Variants in NSD1 observed in about 807,000 individuals in gnomAD.
NSD1 encodes the protein histone-lysine N-methyltransferase, H3 lysine-36 specific.
Under a neutral mutation model 242.7 loss-of-function variants are expected in NSD1, and 26 were observed. The observed-to-expected ratio is 0.11, with a 90% CI of 0.08 to 0.15. The LOEUF is 0.15. Ranked by LOEUF, NSD1 falls within the 10% of genes least tolerant of loss-of-function variation. The pLI is 1.00. For missense variants in NSD1, 2,495 were observed against 3,272.8 expected (o/e 0.76, Z 5.80); for synonymous variants, 1,106 against 1,178.1 (o/e 0.94, Z 1.25).
Position 177,135,095 on chromosome 5 carries a change from C to T in NSD1, c.-9C>T, listed in dbSNP as rs749218843. ...GTGCTTTTGGATTCCAGGTTGATGCCGGCCCAGGATGGATCAGACCTGTGA... is the reference window on the plus strand; with the variant it reads ...GTGCTTTTGGATTCCAGGTTGATGCTGGCCCAGGATGGATCAGACCTGTGA... On this transcript the variant is annotated 5_prime_UTR_variant, in exon 2 of 23. Coordinates refer to ENST00000439151, the MANE Select transcript of NSD1 (RefSeq NM_022455.5). 4 of 1,613,982 alleles carry T rather than the reference C, an allele frequency of 2.5e-6. No individual in the cohort carries two copies. Among genetic ancestry groups the T allele is most frequent in the East Asian group, 4.5e-5 (2 of 44,890 alleles).
At chr5:177,156,970 CTAAA>C (rs34821534) in intron 2 of NSD1, among the ~76,000 whole-genome samples, 5 of 151,596 alleles carry the variant, frequency 3.3e-5, no homozygotes, top group Admixed American at 1.3e-4. Flanking sequence ...GACTCTGTCT[CTAAA>C]TAAATAAATA....
intron 16 of NSD1, among the ~76,000 whole-genome samples, chr5:177,272,452 G>A (rs1758017554): frequency 1.3e-5 from 2 of 152,076 alleles, no homozygotes; most frequent in Non-Finnish European, 2.9e-5. Context: ...TGACAGACTT[G>A]GGGAAAGGCA....
At chr5:177,200,899 AT>A (rs556927293) in intron 3 of NSD1, among the ~76,000 whole-genome samples, 2,464 of 140,768 alleles carry the variant, frequency 0.018, 33 homozygotes, top group African/African-American at 0.052. Context: ...GTGTTTTTGT[AT>A]TTTTTTTTTT....
intron 7 of NSD1, among the ~76,000 whole-genome samples, chr5:177,239,183 C>G: frequency 6.6e-6 from 1 of 152,064 alleles, no homozygotes; most frequent in East Asian, 1.9e-4. Flanking sequence ...TGATGTTATT[C>G]CTTAAAGAAA....
At chr5:177,171,634 C>T (rs569003907) in intron 2 of NSD1, among the ~76,000 whole-genome samples, 14 of 152,250 alleles carry the variant, frequency 9.2e-5, no homozygotes, top group Non-Finnish European at 1.9e-4. Flanking sequence ...CCTTTCCTCC[C>T]TTTGTCTATT....
intron 3 of NSD1, among the ~76,000 whole-genome samples, chr5:177,203,671 A>T (rs1762663418): frequency 6.6e-6 from 1 of 152,084 alleles, no homozygotes; most frequent in Non-Finnish European, 1.5e-5. Flanking sequence ...TGCTTTGCTG[A>T]AACATTTCTT....
intron 14 of NSD1, 119 bp downstream of exon 14, chr5:177,260,287 T>G (rs1038428017): frequency 1.1e-6 from 1 of 906,586 alleles, no homozygotes; most frequent in South Asian, 1.4e-5. Flanking sequence ...AATGATACTA[T>G]TCATCTGCCA....
At chr5:177,219,976 C>G in intron 5 of NSD1, among the ~76,000 whole-genome samples, 1 of 152,036 alleles carries the variant, frequency 6.6e-6, no homozygotes, top group Non-Finnish European at 1.5e-5. Context: ...AAAAAAGACT[C>G]TGTGTGACCA....
At position 177,282,350 on chromosome 5, in the gene NSD1, T is replaced by G. The variant is rs1047733492; in HGVS notation, c.5893-115T>G. On this transcript the variant is annotated intron_variant, in intron 18 of 22. Transcript: ENST00000439151. Reference sequence around the variant, plus strand: ...TAATTATGTGTGCCTAAAATTATACTCATGTAATCTGCTTTGTAGAATGTG... The same window carrying G: ...TAATTATGTGTGCCTAAAATTATACGCATGTAATCTGCTTTGTAGAATGTG... 7 of 782,988 alleles carry G rather than the reference T, an allele frequency of 8.9e-6. No homozygotes were observed. The African/African-American group carries it at 1.0e-4, about 11-fold the overall frequency. 48.5% of individuals were successfully genotyped at this position (782,988 alleles called of 1,614,324 possible). A position where few individuals can be genotyped will look rare whatever the true frequency, so the allele number is the denominator to read the frequency against.
chr5:177,224,363 G>T (rs1235394532), intron 5 of NSD1, among the ~76,000 whole-genome samples: 3 of 151,940 alleles, frequency 2.0e-5, no homozygotes, highest in African/African-American at 7.3e-5. Flanking sequence ...GTAATTTTCA[G>T]TGTATAAATT....
intron 17 of NSD1, among the ~76,000 whole-genome samples, chr5:177,274,263 A>G (rs1758176177): frequency 1.3e-5 from 2 of 152,190 alleles, no homozygotes; most frequent in South Asian, 4.1e-4. Context: ...CCTTTAACCT[A>G]CCTAGTGAAA....
At chr5:177,168,199 A>G (rs1415536496) in intron 2 of NSD1, among the ~76,000 whole-genome samples, 1 of 152,158 alleles carries the variant, frequency 6.6e-6, no homozygotes, top group African/African-American at 2.4e-5. Flanking sequence ...GACTTTTCAC[A>G]GCCTAGGTTA....
At chr5:177,185,798 T>TATA (rs1231810440) in intron 2 of NSD1, among the ~76,000 whole-genome samples, 1 of 89,154 alleles carries the variant, frequency 1.1e-5, no homozygotes, top group African/African-American at 5.2e-5. Flanking sequence ...ATTATATATA[T>TATA]ATATATATAA....
intron 5 of NSD1, among the ~76,000 whole-genome samples, chr5:177,227,450 A>T (rs1764715202): frequency 6.6e-6 from 1 of 152,148 alleles, no homozygotes; most frequent in Admixed American, 6.6e-5. Context: ...TTTATGAGTT[A>T]AATATTATTA....
chr5:177,273,364 C>T (rs904980229), intron 16 of NSD1, among the ~76,000 whole-genome samples: 4 of 149,376 alleles, frequency 2.7e-5, no homozygotes, highest in African/African-American at 9.9e-5. Context: ...ATATCCGCCA[C>T]CACAGATAAG....
intron 3 of NSD1, among the ~76,000 whole-genome samples, chr5:177,197,136 G>T (rs1372654387): frequency 6.6e-6 from 1 of 152,052 alleles, no homozygotes; most frequent in Non-Finnish European, 1.5e-5. Context: ...TGGGCGTGGT[G>T]GTGGATGCCT....
At chr5:177,187,449 C>T (rs898343591) in intron 2 of NSD1, among the ~76,000 whole-genome samples, 1 of 152,046 alleles carries the variant, frequency 6.6e-6, no homozygotes, top group Non-Finnish European at 1.5e-5. Flanking sequence ...TCTGCAAAAT[C>T]GAGATAATGC....
chr5:177,162,670 C>T (rs1758856723), intron 2 of NSD1, among the ~76,000 whole-genome samples: 1 of 152,036 alleles, frequency 6.6e-6, no homozygotes, highest in African/African-American at 2.4e-5. Context: ...GCATGAGTTA[C>T]CTTGCCTTGC....
chr5:177,185,727 TTA>T (rs1161053979), intron 2 of NSD1, among the ~76,000 whole-genome samples: 4 of 106,902 alleles, frequency 3.7e-5, no homozygotes, highest in Non-Finnish European at 6.9e-5. Flanking sequence ...ATATTATATA[TTA>T]TATATATTTT....
Sources: gnomAD v4.1 joint callset for allele counts (sites outside exome capture counted in the v4.1 genomes callset) on GRCh38, gnomAD v4.1.1 for gene constraint, MANE v1.5 for transcripts, NCBI Gene and HGNC (gene_info 2026-07-23, HGNC 2026-07-21) for gene names.